Variants in FHIT observed in about 807,000 individuals in gnomAD.
The protein encoded by FHIT is bis(5'-adenosyl)-triphosphatase.
Under a neutral mutation model 17.9 loss-of-function variants are expected in FHIT, and 19 were observed. That is an observed-to-expected ratio of 1.06 (90% CI 0.74 to 1.56). FHIT has a LOEUF of 1.56. Ranked by LOEUF, FHIT falls within the 40% of genes most tolerant of loss-of-function variation. The pLI is 0.00. For synonymous variants in FHIT, 81 were observed against 69.7 expected (o/e 1.16, Z -0.81); for missense variants, 248 against 189.2 (o/e 1.31, Z -1.82).
intron 5 of FHIT, among the ~76,000 whole-genome samples, chr3:60,061,824 T>C (rs1358041946): frequency 6.6e-6 from 1 of 152,108 alleles, no homozygotes; most frequent in East Asian, 1.9e-4. Context: ...AAGGGAATCA[T>C]ACAGAAGGAA....
intron 3 of FHIT, among the ~76,000 whole-genome samples, chr3:61,025,658 C>A (rs1369929935): frequency 2.0e-5 from 3 of 152,170 alleles, no homozygotes; most frequent in Non-Finnish European, 2.9e-5. Context: ...AACTTTGACT[C>A]TCCTACTTCC....
chr3:60,767,505 A>G (rs1486055599), intron 4 of FHIT, among the ~76,000 whole-genome samples: 1 of 152,216 alleles, frequency 6.6e-6, no homozygotes, highest in African/African-American at 2.4e-5. Flanking sequence ...AAGTGATGGA[A>G]GTGAGATTCT....
At chr3:60,706,266 G>A (rs2041370508) in intron 4 of FHIT, among the ~76,000 whole-genome samples, 1 of 151,888 alleles carries the variant, frequency 6.6e-6, no homozygotes. Flanking sequence ...CAAGGGGAGG[G>A]ATAGCATTAG....
chr3:60,459,892 G>A (rs1163576994), intron 5 of FHIT, among the ~76,000 whole-genome samples: 1 of 152,136 alleles, frequency 6.6e-6, no homozygotes, highest in Non-Finnish European at 1.5e-5. Flanking sequence ...GAGGTGAGCA[G>A]GGCAATCTAC....
intron 4 of FHIT, among the ~76,000 whole-genome samples, chr3:60,624,895 GT>G (rs782663413): frequency 0.012 from 1,722 of 148,778 alleles, 32 homozygotes; most frequent in African/African-American, 0.039. Context: ...CTTGTTTCTA[GT>G]TTTTTTTTTT....
chr3:60,734,079 C>G lies in FHIT; in HGVS notation c.-18+87840G>C, dbSNP rs145471054. 8.5e-4 allele frequency among the ~76,000 whole-genome samples: 129 copies of G among 152,288 alleles called. 3 individuals carry two copies. In the South Asian group the frequency reaches 0.017, roughly 20 times the overall value. Reference sequence around the variant, plus strand: ...CAACTGTCCCAATCCTACAAACTTTCAGCATTGGGACTTCCTTTCAAGATG... The same window carrying G: ...CAACTGTCCCAATCCTACAAACTTTGAGCATTGGGACTTCCTTTCAAGATG... On this transcript the variant is annotated intron_variant, in intron 4 of 9. Coordinates refer to ENST00000492590, the MANE Select transcript of FHIT (RefSeq NM_002012.4).
chr3:60,669,373 C>G (rs2107839584), intron 4 of FHIT, among the ~76,000 whole-genome samples: 1 of 152,314 alleles, frequency 6.6e-6, no homozygotes, highest in African/African-American at 2.4e-5. Flanking sequence ...CTCTGGTCAT[C>G]ACAATCTCAC....
In FHIT at chr3:59,927,472, A is replaced by AC. The variant is rs1559738338; in HGVS notation, c.280-5059_280-5058insG. ...CAATAAAGCTATTACTTAAAAAAAA[A>AC]AAAAAAAACTGAAGGCCGGGTGCTG... On this transcript the variant is annotated intron_variant, in intron 7 of 9. Transcript: ENST00000492590. Among the ~76,000 whole-genome samples the AC allele has an allele frequency of 4.2e-3, 621 of 146,790 alleles. 9 individuals are homozygous for AC. Among genetic ancestry groups the AC allele is most frequent in the African/African-American group, 0.016 (577 of 37,134 alleles).
intron 4 of FHIT, among the ~76,000 whole-genome samples, chr3:60,652,467 G>A (rs1174704071): frequency 1.3e-5 from 2 of 151,852 alleles, no homozygotes; most frequent in African/African-American, 4.8e-5. Flanking sequence ...GCCAGGCGCG[G>A]TCACGCCTGT....
chr3:60,986,546 A>C (rs1181578436), intron 3 of FHIT, among the ~76,000 whole-genome samples: 2 of 152,214 alleles, frequency 1.3e-5, no homozygotes, highest in Non-Finnish European at 2.9e-5. Context: ...CCTTACTGCC[A>C]ACAGTAAATC....
At chr3:60,318,186 A>G (rs1253182521) in intron 5 of FHIT, among the ~76,000 whole-genome samples, 1 of 152,236 alleles carries the variant, frequency 6.6e-6, no homozygotes, top group Non-Finnish European at 1.5e-5. Context: ...TTTTCTGGAC[A>G]TTAAAATGTT....
intron 7 of FHIT, among the ~76,000 whole-genome samples, chr3:59,991,171 G>A (rs895945597): frequency 6.6e-6 from 1 of 152,060 alleles, no homozygotes; most frequent in African/African-American, 2.4e-5. Context: ...TTACTCAGCA[G>A]GTGCTCAGTG....
At chr3:60,440,996 G>A (rs1316174789) in intron 5 of FHIT, among the ~76,000 whole-genome samples, 2 of 152,066 alleles carry the variant, frequency 1.3e-5, no homozygotes, top group African/African-American at 2.4e-5. Context: ...ATAATAACAA[G>A]TTAAAAAGAG....
chr3:59,777,411 C>T (rs1702380012), intron 8 of FHIT, among the ~76,000 whole-genome samples: 1 of 152,102 alleles, frequency 6.6e-6, no homozygotes, highest in Admixed American at 6.6e-5. Flanking sequence ...ACTCTCCTAC[C>T]CTACTTCAGT....
intron 2 of FHIT, among the ~76,000 whole-genome samples, chr3:61,182,603 T>C (rs1317966594): frequency 6.6e-6 from 1 of 152,106 alleles, no homozygotes; most frequent in Non-Finnish European, 1.5e-5. Flanking sequence ...AACAAACTGG[T>C]TTAAATTCAT....
intron 4 of FHIT, among the ~76,000 whole-genome samples, chr3:60,640,021 G>A (rs1423223800): frequency 3.9e-5 from 6 of 152,256 alleles, no homozygotes; most frequent in South Asian, 4.1e-4. Context: ...TAAAGGAAGC[G>A]AGACACAAGG....
At chr3:61,142,431 G>T (rs895261528) in intron 2 of FHIT, among the ~76,000 whole-genome samples, 1 of 145,364 alleles carries the variant, frequency 6.9e-6, no homozygotes, top group Non-Finnish European at 1.6e-5. Context: ...TGATGTATTT[G>T]AATGTGACTC....
At chr3:59,803,739 C>A (rs1700089872) in intron 8 of FHIT, among the ~76,000 whole-genome samples, 1 of 145,518 alleles carries the variant, frequency 6.9e-6, no homozygotes, top group Non-Finnish European at 1.5e-5. Flanking sequence ...CTTGAACAAC[C>A]AAGCCTGAAC....
intron 4 of FHIT, among the ~76,000 whole-genome samples, chr3:60,763,348 T>C (rs1456588854): frequency 1.3e-5 from 2 of 152,194 alleles, no homozygotes; most frequent in African/African-American, 4.8e-5. Context: ...TTATAGAACA[T>C]TTGAAAGTTC....
Sources: gnomAD v4.1 joint callset for allele counts (sites outside exome capture counted in the v4.1 genomes callset) on GRCh38, gnomAD v4.1.1 for gene constraint, MANE v1.5 for transcripts, NCBI Gene and HGNC (gene_info 2026-07-23, HGNC 2026-07-21) for gene names.